The following DPP6 variants were observed in gnomAD, a reference collection of about 807,000 sequenced individuals.
DPP6 encodes the protein A-type potassium channel modulatory protein DPP6.
A neutral mutation model predicts 122.6 loss-of-function variants in DPP6; 69 were observed. The observed-to-expected ratio is 0.56, with a 90% CI of 0.46 to 0.69. DPP6 has a LOEUF of 0.69. Ranked by LOEUF, DPP6 falls within the 30% of genes least tolerant of loss-of-function variation. DPP6 has a pLI of 0.00. For missense variants in DPP6, 928 were observed against 1,116.9 expected (o/e 0.83, Z 2.41); for synonymous variants, 418 against 433.1 (o/e 0.97, Z 0.43).
chr7:154,702,216 ACCT>A (rs1554440953), intron 7 of DPP6, among the ~76,000 whole-genome samples: 1 of 152,114 alleles, frequency 6.6e-6, no homozygotes, highest in Non-Finnish European at 1.5e-5. Flanking sequence ...CATTTCCCTC[ACCT>A]CCTCTTGGGC....
At chr7:154,430,194 C>T (rs893801307) in intron 1 of DPP6, among the ~76,000 whole-genome samples, 4 of 152,172 alleles carry the variant, frequency 2.6e-5, no homozygotes, top group Admixed American at 1.3e-4. Context: ...CCAAGGCTTT[C>T]GTTTCCCTGT....
chr7:154,374,867 C>T (rs541076778), intron 1 of DPP6, among the ~76,000 whole-genome samples: 3 of 152,200 alleles, frequency 2.0e-5, no homozygotes, highest in Non-Finnish European at 4.4e-5. Context: ...CCGCCTCAGC[C>T]TCCCAAAGTG....
intron 16 of DPP6, chr7:154,838,688 G>A (rs1032062657): frequency 1.3e-5 from 2 of 152,254 alleles, no homozygotes; most frequent in African/African-American, 4.8e-5. Context: ...GTGCAAGACC[G>A]GATAACGGGA....
At chr7:153,835,797 T>C in the DPP6 span, among the ~76,000 whole-genome samples, 1 of 152,162 alleles carries the variant, frequency 6.6e-6, no homozygotes, top group Admixed American at 6.5e-5. Flanking sequence ...AAGGGGGTGT[T>C]ACGGAGGCAG....
At chr7:154,066,045 T>C (rs868627799) in intron 1 of DPP6, among the ~76,000 whole-genome samples, 2 of 137,014 alleles carry the variant, frequency 1.5e-5, no homozygotes, top group Admixed American at 1.5e-4. Flanking sequence ...TCAGATTTGT[T>C]TTTTTTTTTT....
the DPP6 span, among the ~76,000 whole-genome samples, chr7:153,804,005 G>A: frequency 6.6e-6 from 1 of 150,882 alleles, no homozygotes; most frequent in Non-Finnish European, 1.5e-5. Context: ...TTTCAAGGAG[G>A]TCCTCCCTGT....
chr7:153,773,563 T>C, the DPP6 span, among the ~76,000 whole-genome samples: 3 of 151,382 alleles, frequency 2.0e-5, no homozygotes, highest in African/African-American at 7.3e-5. Flanking sequence ...CCAATAGGTA[T>C]CTAGAAAATT....
intron 1 of DPP6, among the ~76,000 whole-genome samples, chr7:154,401,418 AT>A (rs56188471): frequency 0.09 from 13,644 of 152,134 alleles, 705 homozygotes; most frequent in East Asian, 0.13. Flanking sequence ...TTGATTTATG[AT>A]TTTTTGACCC....
At chr7:154,154,358 G>A (rs1796578004) in intron 1 of DPP6, among the ~76,000 whole-genome samples, 1 of 152,362 alleles carries the variant, frequency 6.6e-6, no homozygotes, top group African/African-American at 2.4e-5. Flanking sequence ...TTTGTGTGAT[G>A]TTCGGGCTTA....
At chr7:153,817,528 T>G in the DPP6 span, among the ~76,000 whole-genome samples, 1 of 151,318 alleles carries the variant, frequency 6.6e-6, no homozygotes, top group East Asian at 1.9e-4. Context: ...AAGATAAAAG[T>G]CACTGTATTG....
intron 5 of DPP6, among the ~76,000 whole-genome samples, chr7:154,589,317 C>G (rs889060213): frequency 6.6e-6 from 1 of 152,206 alleles, no homozygotes; most frequent in African/African-American, 2.4e-5. Context: ...ATCTATCACT[C>G]CATCTCAGGA....
intron 1 of DPP6, among the ~76,000 whole-genome samples, chr7:154,358,501 A>G (rs1039222657): frequency 7.9e-5 from 12 of 152,224 alleles, no homozygotes; most frequent in Non-Finnish European, 1.5e-4. Flanking sequence ...CAAGTGAGAG[A>G]TACAGGTGGA....
At chr7:154,231,917 T>G (rs1000663274) in intron 1 of DPP6, among the ~76,000 whole-genome samples, 1 of 152,230 alleles carries the variant, frequency 6.6e-6, no homozygotes, top group Non-Finnish European at 1.5e-5. Context: ...GCCATTCTAC[T>G]CTACCAGCCA....
intron 7 of DPP6, among the ~76,000 whole-genome samples, chr7:154,685,028 A>AC (rs1247894332): frequency 6.6e-6 from 1 of 152,250 alleles, no homozygotes; most frequent in Non-Finnish European, 1.5e-5. Context: ...GGAAAAGCAA[A>AC]CGATCTATAC....
At chr7:154,176,191 C>T (rs896313112) in intron 1 of DPP6, among the ~76,000 whole-genome samples, 2 of 152,200 alleles carry the variant, frequency 1.3e-5, no homozygotes, top group Admixed American at 6.5e-5. Flanking sequence ...AGTCCCTGCT[C>T]CTTGCAGAGG....
Position 154,240,058 on chromosome 7 carries a change from C to G in DPP6, c.243+186995C>G, listed in dbSNP as rs138063426. Among the ~76,000 whole-genome samples the G allele has an allele frequency of 7.0e-3, 968 of 138,990 alleles. 16 individuals are homozygous for G. Among genetic ancestry groups the G allele is most frequent in the African/African-American group, 0.024 (904 of 37,896 alleles). 91.2% of individuals were successfully genotyped at this position (138,990 alleles called of 152,430 possible). A position where few individuals can be genotyped will look rare whatever the true frequency, so the allele number is the denominator to read the frequency against. On this transcript the variant is annotated intron_variant, in intron 1 of 25. Coordinates refer to ENST00000377770, the MANE Select transcript of DPP6 (RefSeq NM_130797.4). ...AAAAAAGTGATACAAGGATTTTCAG[C>G]TGCTCGGAGGTTCAAGGTTCAATAC...
At chr7:154,360,215 A>G (rs186644404) in intron 1 of DPP6, among the ~76,000 whole-genome samples, 53 of 152,316 alleles carry the variant, frequency 3.5e-4, no homozygotes, top group Admixed American at 3.2e-3. Context: ...CTTGGTGCCC[A>G]GGATGACACT....
intron 5 of DPP6, among the ~76,000 whole-genome samples, chr7:154,589,531 C>T (rs1026775057): frequency 1.6e-4 from 24 of 152,220 alleles, no homozygotes; most frequent in African/African-American, 5.3e-4. Context: ...TCTGCAGTGA[C>T]GGAAATGGTC....
At chr7:153,837,169 G>T in the DPP6 span, among the ~76,000 whole-genome samples, 1 of 152,178 alleles carries the variant, frequency 6.6e-6, no homozygotes, top group Non-Finnish European at 1.5e-5. Context: ...TTCAAGGAAA[G>T]TGAAAACTTT....
Sources: allele counts gnomAD v4.1 joint callset (sites outside exome capture counted in the v4.1 genomes callset), GRCh38; gene constraint gnomAD v4.1.1; transcripts MANE v1.5; gene names NCBI Gene and HGNC (gene_info 2026-07-23, HGNC 2026-07-21).